SBF2: variants seen among roughly 807,000 people sequenced by gnomAD.
SBF2 encodes SET binding factor 2.
Under a neutral mutation model 225.2 loss-of-function variants are expected in SBF2, and 112 were observed. That is an observed-to-expected ratio of 0.50 (90% CI 0.43 to 0.58). The LOEUF (loss-of-function observed/expected upper bound fraction) is 0.58, where lower values mean the gene tolerates loss of function less well. Ranked by LOEUF, SBF2 falls within the 20% of genes least tolerant of loss-of-function variation. SBF2 has a pLI of 0.00. For missense variants in SBF2, 1,996 were observed against 2,206.2 expected, an observed-to-expected ratio of 0.90 and a Z score of 1.91; for synonymous variants, 763 against 773.3, an observed-to-expected ratio of 0.99 and a Z score of 0.22.
At chr11:10,055,815 C>T (rs1590851568) in intron 2 of SBF2, among the ~76,000 whole-genome samples, 1 of 152,036 alleles carries the variant, frequency 6.6e-6, no homozygotes, top group Non-Finnish European at 1.5e-5. Flanking sequence ...GAAAAACTAC[C>T]TATTGGGTAC....
rs1866648076 is a variant in SBF2 at position 9,962,631 on chromosome 11, G to A, written c.1711-525C>T. Reference sequence around the variant, plus strand: ...TAAAAAAGGAAAGAAAAAGGACTCGGAGTTGCAAAAACAGATATCTCTAGG... The same window carrying A: ...TAAAAAAGGAAAGAAAAAGGACTCGAAGTTGCAAAAACAGATATCTCTAGG... On this transcript the variant is annotated intron_variant, in intron 15 of 39. Coordinates refer to ENST00000256190, the MANE Select transcript of SBF2 (RefSeq NM_030962.4). Among the ~76,000 whole-genome samples the A allele has an allele frequency of 2.6e-5, 4 of 152,106 alleles. 1 individual carries two copies.
intron 2 of SBF2, among the ~76,000 whole-genome samples, chr11:10,172,662 T>C (rs184587045): frequency 1.3e-5 from 2 of 152,186 alleles, no homozygotes; most frequent in African/African-American, 4.8e-5. Context: ...CAATACAATT[T>C]TAAATTTCTT....
chr11:9,871,759 G>A (rs938285519), intron 17 of SBF2, among the ~76,000 whole-genome samples: 6 of 152,006 alleles, frequency 3.9e-5, no homozygotes, highest in African/African-American at 1.2e-4. Flanking sequence ...CCAAAGTGCT[G>A]GGATTACAGG....
intron 38 of SBF2, among the ~76,000 whole-genome samples, chr11:9,782,735 G>T (rs1360471998): frequency 6.6e-6 from 1 of 152,062 alleles, no homozygotes; most frequent in Non-Finnish European, 1.5e-5. Context: ...GCTGGGCATG[G>T]TGGCAGGCGC....
intron 2 of SBF2, among the ~76,000 whole-genome samples, chr11:10,066,538 C>T (rs1950630050): frequency 6.6e-6 from 1 of 151,982 alleles, no homozygotes; most frequent in East Asian, 1.9e-4. Flanking sequence ...CATTTCAATA[C>T]AAACAGAAAA....
intron 3 of SBF2, among the ~76,000 whole-genome samples, chr11:10,031,383 T>C (rs1317804687): frequency 6.6e-6 from 1 of 152,232 alleles, no homozygotes; most frequent in Non-Finnish European, 1.5e-5. Context: ...TATTTCATTT[T>C]TGAAAAGCTC....
chr11:9,912,513 C>A (rs551450581), intron 16 of SBF2, among the ~76,000 whole-genome samples: 2 of 152,016 alleles, frequency 1.3e-5, no homozygotes, highest in Non-Finnish European at 2.9e-5. Flanking sequence ...ACCTGGGATG[C>A]GGAGGTTGCA....
chr11:10,030,528 CTT>C (rs750517466), intron 4 of SBF2, among the ~76,000 whole-genome samples: 1 of 152,254 alleles, frequency 6.6e-6, no homozygotes, highest in Non-Finnish European at 1.5e-5. Flanking sequence ...GAAATTGTAT[CTT>C]AGCACAAATA....
intron 13 of SBF2, among the ~76,000 whole-genome samples, chr11:9,972,260 AAC>A (rs1041167430): frequency 7.9e-5 from 12 of 151,212 alleles, no homozygotes; most frequent in Admixed American, 5.9e-4. Context: ...AGAACACACA[AAC>A]ACACACACAC....
At chr11:10,235,402 C>A (rs1356703205) in intron 1 of SBF2, among the ~76,000 whole-genome samples, 2 of 152,058 alleles carry the variant, frequency 1.3e-5, no homozygotes, top group African/African-American at 4.8e-5. Flanking sequence ...TGATGCACGC[C>A]TGCAATCCTA....
intron 2 of SBF2, among the ~76,000 whole-genome samples, chr11:10,185,375 G>A (rs922421779): frequency 2.6e-5 from 4 of 152,018 alleles, no homozygotes; most frequent in Admixed American, 1.3e-4. Flanking sequence ...ACCATTTTAC[G>A]TTCCCACCAA....
At chr11:9,987,661 C>T (rs1248167853) in intron 13 of SBF2, among the ~76,000 whole-genome samples, 1 of 151,996 alleles carries the variant, frequency 6.6e-6, no homozygotes, top group Non-Finnish European at 1.5e-5. Flanking sequence ...AACTCAACCC[C>T]TTTACAATAG....
chr11:9,967,690 C>T (rs1232533266), intron 14 of SBF2, among the ~76,000 whole-genome samples: 2 of 151,972 alleles, frequency 1.3e-5, no homozygotes, highest in Non-Finnish European at 2.9e-5. Context: ...CCAAGGTGGG[C>T]GGATCACCTG....
At chr11:10,185,119 T>G (rs12280624) in intron 2 of SBF2, among the ~76,000 whole-genome samples, 26,896 of 142,604 alleles carry the variant, frequency 0.19, 2,504 homozygotes, top group East Asian at 0.27. Flanking sequence ...TGGGGGGGGG[T>G]GTGTGTGTGC....
At chr11:9,895,816 T>C (rs1481547729) in intron 17 of SBF2, 127 bp downstream of exon 17, 1 of 741,738 alleles carries the variant, frequency 1.3e-6, no homozygotes, top group African/African-American at 1.7e-5. Flanking sequence ...TTATAATAAA[T>C]ATAACCGCAG....
intron 14 of SBF2, among the ~76,000 whole-genome samples, chr11:9,964,688 CACCTTTT>C (rs745567256): frequency 6.6e-6 from 1 of 152,204 alleles, no homozygotes; most frequent in Non-Finnish European, 1.5e-5. Context: ...TAGCACCTTT[CACCTTTT>C]ACCATAGGGT....
At chr11:9,791,104 A>G (rs1471390829) in intron 33 of SBF2, 1 of 177,258 alleles carries the variant, frequency 5.6e-6, no homozygotes, top group Non-Finnish European at 1.2e-5. Context: ...CTGTTTGTTT[A>G]TTATGAAGCC....
chr11:10,173,758 C>A (rs952836122), intron 2 of SBF2, among the ~76,000 whole-genome samples: 1 of 149,734 alleles, frequency 6.7e-6, no homozygotes, highest in Non-Finnish European at 1.5e-5. Flanking sequence ...CTTCAATGTC[C>A]CTGTCTGACA....
intron 29 of SBF2, among the ~76,000 whole-genome samples, chr11:9,816,165 T>G (rs1259148845): frequency 1.3e-5 from 2 of 152,218 alleles, no homozygotes; most frequent in Non-Finnish European, 2.9e-5. Flanking sequence ...AACATTAAAT[T>G]CAAGGAATTG....
Sources: allele counts gnomAD v4.1 joint callset (sites outside exome capture counted in the v4.1 genomes callset), GRCh38; gene constraint gnomAD v4.1.1; transcripts MANE v1.5; gene names NCBI Gene and HGNC (gene_info 2026-07-23, HGNC 2026-07-21).